The following DSE variants were observed in gnomAD, a reference collection of about 807,000 sequenced individuals.
The protein encoded by DSE is dermatan-sulfate epimerase.
Under a neutral mutation model 84.4 loss-of-function variants are expected in DSE, and 36 were observed. The observed-to-expected ratio is 0.43, with a 90% CI of 0.33 to 0.56. The LOEUF is 0.56. DSE is among the 20% of genes least tolerant of loss of function. The pLI is 0.06. For synonymous variants in DSE, 410 were observed against 430.1 expected, an observed-to-expected ratio of 0.95 and a Z score of 0.58; for missense variants, 862 against 1,169.6, an observed-to-expected ratio of 0.74 and a Z score of 3.84.
chr6:116,335,732 G>A lies in DSE; in HGVS notation c.-53-63466G>A, dbSNP rs368378716. ...TAAGGTGGGAATAAGACAACAGAAC[G>A]ATAAATAAAAGTGCATTGATAGCAT... On this transcript the variant is annotated intron_variant, in intron 2 of 3. Transcript: ENST00000430252. Among the ~76,000 whole-genome samples, 12 of 152,270 alleles carry A rather than the reference G, an allele frequency of 7.9e-5. No homozygotes were observed. The South Asian group carries it at 1.7e-3, about 21-fold the overall frequency.
chr6:116,407,343 G>C (rs370333029), intron 2 of DSE, among the ~76,000 whole-genome samples: 4 of 152,170 alleles, frequency 2.6e-5, no homozygotes, highest in African/African-American at 9.7e-5. Flanking sequence ...TTGTGGGAGA[G>C]AAAAGATGGT....
At chr6:116,387,393 T>G (rs749900223) in intron 1 of DSE, among the ~76,000 whole-genome samples, 5 of 151,828 alleles carry the variant, frequency 3.3e-5, no homozygotes, top group Non-Finnish European at 5.9e-5. Context: ...TTTGAGAAAA[T>G]GTAGTGAAGA....
At chr6:116,414,884 C>T (rs112088517) in intron 2 of DSE, among the ~76,000 whole-genome samples, 1 of 59,080 alleles carries the variant, frequency 1.7e-5, no homozygotes, top group Non-Finnish European at 3.7e-5. Context: ...CAGACTCTCA[C>T]TCTTGTGTAA....
rs961987996 is a variant in DSE, at chr6:116,424,208, T to A, written c.417-2366T>A. 3.3e-5 allele frequency among the ~76,000 whole-genome samples: 5 copies of A among 152,220 alleles called. No individual in the cohort carries two copies. In the East Asian group the frequency reaches 9.7e-4, roughly 29 times the overall value. The stretch of plus-strand genomic sequence containing the variant: ...TGCCTGGCCCACCAGTCACCATGAG[T>A]CAGTGAAGATGATATTCCCAACTCC... On this transcript the variant is annotated intron_variant, in intron 2 of 5. Coordinates refer to ENST00000644252, the MANE Select transcript of DSE (RefSeq NM_013352.4).
intron 2 of DSE, among the ~76,000 whole-genome samples, chr6:116,349,091 C>A (rs1241876516): frequency 6.6e-6 from 1 of 152,124 alleles, no homozygotes; most frequent in South Asian, 2.1e-4. Context: ...ACGTTGTTCT[C>A]ATGTACCCTA....
At chr6:116,377,150 G>A (rs1779975665) in intron 1 of DSE, among the ~76,000 whole-genome samples, 1 of 152,158 alleles carries the variant, frequency 6.6e-6, no homozygotes, top group Non-Finnish European at 1.5e-5. Flanking sequence ...TATTCGTAGA[G>A]TTTTAAAGTT....
At chr6:116,428,541 A>T (rs1273232280) in intron 3 of DSE, among the ~76,000 whole-genome samples, 2 of 152,206 alleles carry the variant, frequency 1.3e-5, no homozygotes, top group South Asian at 4.1e-4. Context: ...TTTCCTATGC[A>T]TTTATTTTCT....
At position 116,382,037 on chromosome 6, in the gene DSE, CTGTGTG is replaced by C. The variant is rs58610779; in HGVS notation, c.-54+10946_-54+10951del. ...TCTATTTTCATCTTCACATGGCATT[CTGTGTG>C]TGTGTGTGTGTGTGTGTGTGTGTGT... On this transcript the variant is annotated intron_variant, in intron 1 of 5. Coordinates refer to ENST00000644252, the MANE Select transcript of DSE (RefSeq NM_013352.4). Among the ~76,000 whole-genome samples the C allele has an allele frequency of 2.1e-3, 306 of 144,866 alleles. 3 individuals carry two copies. Among genetic ancestry groups the C allele is most frequent in the African/African-American group, 6.3e-3 (247 of 38,990 alleles).
At chr6:116,369,761 C>A, upstream of DSE, 1 of 452,098 alleles carries the variant, frequency 2.2e-6, no homozygotes, top group Non-Finnish European at 3.9e-6. Flanking sequence ...CTCTTAAATG[C>A]AATTTCTGAA....
intron 2 of DSE, chr6:116,277,639 C>G (rs1773211950): frequency 6.6e-6 from 1 of 151,134 alleles, no homozygotes; most frequent in African/African-American, 2.5e-5. Flanking sequence ...TGTTTCTGAG[C>G]TATCACTTTT....
chr6:116,439,944 TC>T lies in DSE; in HGVS notation c.*2600del, dbSNP rs113767010. The T allele has an allele frequency of 0.27, 38,437 of 142,390 alleles. 5,287 individuals carry two copies. The highest frequency in any genetic ancestry group is 0.39 in the African/African-American group (14,316 of 36,486). 8.8% of individuals were successfully genotyped at this position (142,390 alleles called of 1,614,324 possible). A position where few individuals can be genotyped will look rare whatever the true frequency, so the allele number is the denominator to read the frequency against. Reference sequence around the variant, plus strand: ...GAGACAGAGTGAGACCGTGTTTCTCTCTTTTTTTTTTTTTTAAGTATATTCC... The same window carrying T: ...GAGACAGAGTGAGACCGTGTTTCTCTTTTTTTTTTTTTTTAAGTATATTCC... On this transcript the variant is annotated 3_prime_UTR_variant, in exon 6 of 6. Coordinates refer to ENST00000644252, the MANE Select transcript of DSE (RefSeq NM_013352.4).
intron 2 of DSE, among the ~76,000 whole-genome samples, chr6:116,406,335 A>G (rs1781929357): frequency 6.6e-6 from 1 of 152,228 alleles, no homozygotes; most frequent in Non-Finnish European, 1.5e-5. Context: ...CAACATGAAT[A>G]TATTAAGTTT....
rs1411658327 is a variant in DSE at position 116,441,372 on chromosome 6, C to G, written c.*4027C>G. On this transcript the variant is annotated 3_prime_UTR_variant, in exon 6 of 6. Coordinates refer to ENST00000644252, the MANE Select transcript of DSE (RefSeq NM_013352.4). Reference sequence around the variant, plus strand: ...CATACATGATTGAAAAAGTATAGTACTAGAAGCCTTATTTAAAAAACAAAA... The same window carrying G: ...CATACATGATTGAAAAAGTATAGTAGTAGAAGCCTTATTTAAAAAACAAAA... The G allele has an allele frequency of 1.3e-5, 2 of 152,108 alleles. No homozygotes were observed. The highest frequency in any genetic ancestry group is 2.9e-5 in the Non-Finnish European group (2 of 68,020). The allele number at this position is 152,108 out of a possible 1,614,324, so 9.4% of individuals were successfully genotyped here.
At position 116,436,183 on chromosome 6, in the gene DSE, T is replaced by C; in HGVS notation, c.1715T>C (p.Ile572Thr). 3 of 1,613,648 alleles carry C rather than the reference T, an allele frequency of 1.9e-6. No individual in the cohort carries two copies. The highest frequency in any genetic ancestry group is 1.7e-6 in the Non-Finnish European group (2 of 1,179,998). The change falls in exon 6 of 6, where the codon ATA becomes ACA. Residue 572 changes from isoleucine to threonine, a missense_variant. By Grantham distance (89) the Ile-to-Thr change is moderately conservative. Coordinates refer to ENST00000644252, the MANE Select transcript of DSE (RefSeq NM_013352.4). ...CAGCTGCTTCTCCTTGTAGACCAAA[T>C]ACACCTGGGAGAGGAGAGTCCCTTG... ...HPQLLLLVDQ[I>T]HLGEESPLET...
rs1781445178 is a variant in DSE, at chr6:116,399,284, T to A, written c.34T>A (p.Phe12Ile). ...TCACACACGGGGGGCTCCCAGTGTG[T>A]TTTTCATATATTTGCTTTGCTTTGT... The part of the protein sequence containing the change: ...RTHTRGAPSV[F>I]FIYLLCFVSA... The change falls in exon 2 of 6, where the codon TTT (phenylalanine) becomes ATT (isoleucine). Residue 12 changes from phenylalanine to isoleucine, a missense_variant. Transcript: ENST00000644252. 1 of 1,613,760 alleles carries A rather than the reference T, an allele frequency of 6.2e-7. No individual in the cohort carries two copies. Among genetic ancestry groups the A allele is most frequent in the African/African-American group, 1.3e-5 (1 of 74,838 alleles).
At chr6:116,362,171 C>T (rs893713305) in intron 2 of DSE, among the ~76,000 whole-genome samples, 5 of 152,184 alleles carry the variant, frequency 3.3e-5, no homozygotes, top group African/African-American at 1.2e-4. Flanking sequence ...TTTATAAATT[C>T]CCTAAGTGAT....
chr6:116,394,870 A>T (rs1265705642), intron 1 of DSE, among the ~76,000 whole-genome samples: 1 of 152,234 alleles, frequency 6.6e-6, no homozygotes, highest in East Asian at 1.9e-4. Flanking sequence ...TTGTAGATAA[A>T]GTACTTATTA....
chr6:116,371,912 C>T, intron 1 of DSE, among the ~76,000 whole-genome samples: 1 of 152,220 alleles, frequency 6.6e-6, no homozygotes, highest in East Asian at 1.9e-4. Flanking sequence ...AGCCGGCTGG[C>T]ATTCAGATGG....
chr6:116,287,197 T>C (rs1773964879), intron 2 of DSE, among the ~76,000 whole-genome samples: 1 of 152,046 alleles, frequency 6.6e-6, no homozygotes, highest in South Asian at 2.1e-4. Context: ...CTAGGAAATA[T>C]TGCATCATCA....
Sources: gnomAD v4.1 joint callset for allele counts (sites outside exome capture counted in the v4.1 genomes callset) on GRCh38, gnomAD v4.1.1 for gene constraint, MANE v1.5 for transcripts, NCBI Gene and HGNC (gene_info 2026-07-23, HGNC 2026-07-21) for gene names.